Variants in CALN1 observed in about 807,000 individuals in gnomAD.
CALN1 encodes the protein calcium-binding protein 8.
Under a neutral mutation model 30.6 loss-of-function variants are expected in CALN1, and 17 were observed. That is an observed-to-expected ratio of 0.56 (90% CI 0.38 to 0.83). The LOEUF (loss-of-function observed/expected upper bound fraction) is 0.83. Ranked by LOEUF, CALN1 falls within the 40% of genes least tolerant of loss-of-function variation. The pLI is 0.00. For missense variants in CALN1, 291 were observed against 354.9 expected (o/e 0.82, Z 1.45); for synonymous variants, 156 against 131.4 (o/e 1.19, Z -1.28).
At chr7:72,307,684 C>T (rs1424067830) in intron 2 of CALN1, among the ~76,000 whole-genome samples, 2 of 152,134 alleles carry the variant, frequency 1.3e-5, no homozygotes, top group East Asian at 1.9e-4. Context: ...GGTGCAGATG[C>T]CGTGGGGAGG....
chr7:72,250,471 C>T (rs1429273633), intron 3 of CALN1, among the ~76,000 whole-genome samples: 1 of 152,160 alleles, frequency 6.6e-6, no homozygotes, highest in Non-Finnish European at 1.5e-5. Flanking sequence ...TACTCTTAAC[C>T]ATTCACATGT....
intron 5 of CALN1, among the ~76,000 whole-genome samples, chr7:71,865,292 A>C (rs1213296833): frequency 1.3e-5 from 2 of 152,046 alleles, no homozygotes; most frequent in African/African-American, 4.8e-5. Flanking sequence ...ATTGTTTAAC[A>C]ATGTGTGACA....
chr7:72,323,534 G>C lies in CALN1; in HGVS notation c.120-44724C>G, dbSNP rs150732005. 2.7e-4 allele frequency among the ~76,000 whole-genome samples: 41 copies of C among 152,020 alleles called. No individual in the cohort carries two copies. The East Asian group carries it at 7.5e-3, about 28-fold the overall frequency. On this transcript the variant is annotated intron_variant, in intron 2 of 6. Transcript: ENST00000395275. ...AAAAATCAGCTGGGCATGCTGGCAT[G>C]CACCTGTAATCCCAGCTACTCAGGA... is the stretch of plus-strand genomic sequence containing the variant.
At chr7:71,917,184 C>G (rs1315229656) in intron 5 of CALN1, among the ~76,000 whole-genome samples, 2 of 152,258 alleles carry the variant, frequency 1.3e-5, no homozygotes, top group Non-Finnish European at 2.9e-5. Flanking sequence ...TGTCTCATGG[C>G]CCATTGATAC....
intron 2 of CALN1, among the ~76,000 whole-genome samples, chr7:72,283,833 G>A (rs1307933045): frequency 6.6e-6 from 1 of 152,188 alleles, no homozygotes; most frequent in African/African-American, 2.4e-5. Flanking sequence ...TGCAGAAGGG[G>A]CTACTTGAAT....
chr7:72,144,073 A>G (rs1416028999), intron 3 of CALN1, among the ~76,000 whole-genome samples: 1 of 152,216 alleles, frequency 6.6e-6, no homozygotes, highest in Non-Finnish European at 1.5e-5. Context: ...TCAACTAACG[A>G]GCAAAATAAC....
intron 2 of CALN1, among the ~76,000 whole-genome samples, chr7:72,312,331 C>G (rs1385818139): frequency 8.9e-5 from 13 of 146,296 alleles, no homozygotes; most frequent in African/African-American, 3.3e-4. Context: ...TTGAACCCAG[C>G]AGGCAGAGGT....
intron 1 of CALN1, among the ~76,000 whole-genome samples, chr7:72,404,465 G>C (rs1806566242): frequency 6.6e-6 from 1 of 152,364 alleles, no homozygotes; most frequent in Non-Finnish European, 1.5e-5. Flanking sequence ...AGTTCAGAGA[G>C]TGTAAATGGA....
chr7:71,877,307 C>A (rs182015510), intron 5 of CALN1, among the ~76,000 whole-genome samples: 1 of 151,926 alleles, frequency 6.6e-6, no homozygotes, highest in Admixed American at 6.6e-5. Flanking sequence ...GGAACTAGAC[C>A]GGTGCATTTG....
intron 1 of CALN1, among the ~76,000 whole-genome samples, chr7:72,426,075 C>T (rs144127658): frequency 6.6e-6 from 1 of 152,344 alleles, no homozygotes; most frequent in Non-Finnish European, 1.5e-5. Flanking sequence ...GCCAGGAAAC[C>T]AGGAGGGATT....
intron 3 of CALN1, among the ~76,000 whole-genome samples, chr7:72,222,064 A>G (rs1031000237): frequency 5.9e-5 from 9 of 152,022 alleles, no homozygotes; most frequent in Non-Finnish European, 1.0e-4. Context: ...TGTCTCTACT[A>G]AAAGTGCAAA....
chr7:72,075,581 T>C (rs1804675125), intron 4 of CALN1, among the ~76,000 whole-genome samples: 1 of 152,150 alleles, frequency 6.6e-6, no homozygotes. Context: ...AAACACTTTG[T>C]GGGAAATTAA....
intron 2 of CALN1, among the ~76,000 whole-genome samples, chr7:72,339,854 A>C (rs1430002533): frequency 6.6e-6 from 1 of 152,194 alleles, no homozygotes; most frequent in Non-Finnish European, 1.5e-5. Flanking sequence ...TGTGCCCATG[A>C]TTCAATTTCC....
chr7:72,388,374 A>G (rs1805371472), intron 2 of CALN1, among the ~76,000 whole-genome samples: 1 of 152,010 alleles, frequency 6.6e-6, no homozygotes, highest in Non-Finnish European at 1.5e-5. Context: ...AAATGCAAAA[A>G]AAACAAACAA....
upstream of CALN1, among the ~76,000 whole-genome samples, chr7:72,448,737 C>CT (rs567865866): frequency 9.4e-4 from 143 of 152,182 alleles, 1 homozygote; most frequent in Admixed American, 5.5e-3. Context: ...TCCCGAGTAG[C>CT]TGGGACTACA....
intron 4 of CALN1, among the ~76,000 whole-genome samples, chr7:72,028,002 T>C (rs1163796456): frequency 7.4e-6 from 1 of 134,540 alleles, no homozygotes; most frequent in African/African-American, 2.7e-5. Context: ...GAGCTTGCAG[T>C]GAGCCGAGAT....
At chr7:72,075,838 T>A (rs980106162) in intron 4 of CALN1, among the ~76,000 whole-genome samples, 3 of 151,950 alleles carry the variant, frequency 2.0e-5, no homozygotes, top group Admixed American at 2.0e-4. Context: ...GACATCTGGG[T>A]GTCAGGGGAA....
At chr7:72,038,234 T>C (rs1056963374) in intron 4 of CALN1, among the ~76,000 whole-genome samples, 2 of 152,152 alleles carry the variant, frequency 1.3e-5, no homozygotes, top group African/African-American at 2.4e-5. Flanking sequence ...AAGTACAGTG[T>C]TGTAGGTGGG....
intron 3 of CALN1, among the ~76,000 whole-genome samples, chr7:72,239,292 G>A (rs1440255640): frequency 6.6e-6 from 1 of 152,090 alleles, no homozygotes; most frequent in Admixed American, 6.6e-5. Flanking sequence ...CAGCTACGCA[G>A]GAGGCTGAAG....
Sources: gnomAD v4.1 joint callset for allele counts (sites outside exome capture counted in the v4.1 genomes callset) on GRCh38, gnomAD v4.1.1 for gene constraint, MANE v1.5 for transcripts, NCBI Gene and HGNC (gene_info 2026-07-23, HGNC 2026-07-21) for gene names.